The following SLC41A2 variants were observed in gnomAD, a reference collection of about 807,000 sequenced individuals.
SLC41A2 encodes the protein SLC41A1-like 1.
Under a neutral mutation model 58.3 loss-of-function variants are expected in SLC41A2, and 32 were observed. The ratio of observed to expected loss-of-function variants is 0.55; its 90% CI spans 0.41 to 0.74. The LOEUF is 0.74. Among genes scored for constraint, SLC41A2 ranks in the 30% least tolerant of loss-of-function variants. The probability of loss-of-function intolerance (pLI) is 0.00; values close to 1 mark genes in which losing one functional copy is unlikely to be tolerated. For synonymous variants in SLC41A2, 190 were observed against 235.0 expected (o/e 0.81, Z 1.75); for missense variants, 514 against 680.6 (o/e 0.76, Z 2.72).
intron 6 of SLC41A2, among the ~76,000 whole-genome samples, chr12:104,872,193 G>A (rs939804208): frequency 2.6e-5 from 4 of 152,094 alleles, no homozygotes; most frequent in Admixed American, 1.3e-4. Context: ...GCAGGCAGAA[G>A]CTTAAGAAGG....
intron 10 of SLC41A2, among the ~76,000 whole-genome samples, chr12:104,816,423 A>C (rs1343712140): frequency 6.6e-6 from 1 of 152,190 alleles, no homozygotes; most frequent in Admixed American, 6.5e-5. Flanking sequence ...AAACAAAGGG[A>C]AACAGCATGC....
At chr12:104,949,472 A>G (rs1363955177) in intron 1 of SLC41A2, among the ~76,000 whole-genome samples, 1 of 152,232 alleles carries the variant, frequency 6.6e-6, no homozygotes, top group East Asian at 1.9e-4. Context: ...TCATCCTTTA[A>G]TTTTGTAGCT....
At chr12:104,924,562 T>G (rs1196804714) in intron 2 of SLC41A2, among the ~76,000 whole-genome samples, 1 of 152,034 alleles carries the variant, frequency 6.6e-6, no homozygotes, top group Non-Finnish European at 1.5e-5. Flanking sequence ...CTGACCCACA[T>G]GGAGAAACCC....
intron 4 of SLC41A2, among the ~76,000 whole-genome samples, chr12:104,890,843 A>G (rs1317094213): frequency 1.3e-5 from 2 of 152,188 alleles, no homozygotes; most frequent in African/African-American, 4.8e-5. Context: ...GAAATCTGTG[A>G]CAGGCGATCT....
At chr12:104,811,102 T>C (rs2041154528) in intron 10 of SLC41A2, among the ~76,000 whole-genome samples, 1 of 152,180 alleles carries the variant, frequency 6.6e-6, no homozygotes, top group Admixed American at 6.5e-5. Flanking sequence ...GGCCAAAGGA[T>C]ACTAGCTCAG....
At chr12:104,878,826 C>G (rs2044201439) in intron 6 of SLC41A2, among the ~76,000 whole-genome samples, 1 of 152,048 alleles carries the variant, frequency 6.6e-6, no homozygotes, top group South Asian at 2.1e-4. Flanking sequence ...GGGTATATAC[C>G]CAGTAATGGG....
intron 2 of SLC41A2, among the ~76,000 whole-genome samples, chr12:104,923,160 A>G (rs2046676130): frequency 7.1e-6 from 1 of 141,752 alleles, no homozygotes; most frequent in African/African-American, 2.6e-5. Context: ...CAGGAGGTCG[A>G]GACCATCCTG....
At chr12:104,810,127 G>T (rs2041107256) in intron 10 of SLC41A2, among the ~76,000 whole-genome samples, 2 of 152,112 alleles carry the variant, frequency 1.3e-5, no homozygotes, top group African/African-American at 2.4e-5. Flanking sequence ...CAGACGCTAG[G>T]TATATAATAT....
chr12:104,917,433 T>C (rs1270088528), intron 2 of SLC41A2, among the ~76,000 whole-genome samples: 2 of 152,148 alleles, frequency 1.3e-5, no homozygotes, highest in Admixed American at 1.3e-4. Flanking sequence ...CTCGGGGATC[T>C]AGAACTAGAA....
chr12:104,859,171 C>T (rs75759368), intron 8 of SLC41A2, among the ~76,000 whole-genome samples: 1,896 of 152,110 alleles, frequency 0.012, 11 homozygotes, highest in Middle Eastern at 0.031. Flanking sequence ...GAAAAAATTG[C>T]GCATGTCTTT....
chr12:104,935,595 T>A (rs2047232293), intron 1 of SLC41A2, among the ~76,000 whole-genome samples: 1 of 152,204 alleles, frequency 6.6e-6, no homozygotes, highest in Non-Finnish European at 1.5e-5. Context: ...ATGTTGTTAT[T>A]TACTGGTTTT....
intron 1 of SLC41A2, among the ~76,000 whole-genome samples, chr12:104,950,628 C>T (rs529343861): frequency 3.0e-4 from 45 of 152,320 alleles, no homozygotes; most frequent in African/African-American, 1.0e-3. Flanking sequence ...CCTCAGTCTC[C>T]TGAGATAGCT....
intron 5 of SLC41A2, among the ~76,000 whole-genome samples, chr12:104,887,906 A>G (rs1300743412): frequency 6.6e-6 from 1 of 152,078 alleles, no homozygotes; most frequent in Non-Finnish European, 1.5e-5. Flanking sequence ...TAAAATTAGA[A>G]CACACATTAT....
intron 1 of SLC41A2, among the ~76,000 whole-genome samples, chr12:104,953,387 A>T (rs927718445): frequency 6.6e-6 from 1 of 152,244 alleles, no homozygotes; most frequent in Non-Finnish European, 1.5e-5. Context: ...TCCTCTAAGT[A>T]GGAGAAAACA....
intron 3 of SLC41A2, among the ~76,000 whole-genome samples, chr12:104,896,226 C>G (rs2045274661): frequency 6.6e-6 from 1 of 152,170 alleles, no homozygotes; most frequent in African/African-American, 2.4e-5. Context: ...TGGCTTTAGA[C>G]AAGCAGGTTA....
chr12:104,924,903 C>CCA (rs886184941), intron 2 of SLC41A2, among the ~76,000 whole-genome samples: 37 of 151,986 alleles, frequency 2.4e-4, no homozygotes, highest in African/African-American at 7.5e-4. Context: ...GGAAAAAAAG[C>CCA]CACACACACA....
chr12:104,927,304 C>T (rs1299565550), intron 2 of SLC41A2, among the ~76,000 whole-genome samples: 1 of 151,764 alleles, frequency 6.6e-6, no homozygotes, highest in African/African-American at 2.4e-5. Flanking sequence ...TATTACAGCA[C>T]CAATAAGGAA....
chr12:104,879,653 A>G (rs1263941089), intron 6 of SLC41A2, among the ~76,000 whole-genome samples: 1 of 152,030 alleles, frequency 6.6e-6, no homozygotes, highest in Non-Finnish European at 1.5e-5. Context: ...CCATTGGGTT[A>G]TATCTCTGTT....
intron 6 of SLC41A2, among the ~76,000 whole-genome samples, chr12:104,879,934 C>T (rs1287578385): frequency 6.6e-6 from 1 of 151,924 alleles, no homozygotes; most frequent in African/African-American, 2.4e-5. Context: ...TCTTTGTGTC[C>T]TCTTTTATTT....
Sources: gnomAD v4.1 joint callset for allele counts (sites outside exome capture counted in the v4.1 genomes callset) on GRCh38, gnomAD v4.1.1 for gene constraint, MANE v1.5 for transcripts, NCBI Gene and HGNC (gene_info 2026-07-23, HGNC 2026-07-21) for gene names.